The following PDXDC1 variants were observed in gnomAD, a reference collection of about 807,000 sequenced individuals.
The protein encoded by PDXDC1 is pyridoxal-dependent decarboxylase domain-containing protein 1.
In PDXDC1, 42 loss-of-function variants were observed where a neutral mutation model predicts 100.1. That is an observed-to-expected ratio of 0.42 (90% CI 0.33 to 0.54). PDXDC1 has a LOEUF of 0.54. Ranked by LOEUF, PDXDC1 falls within the 20% of genes least tolerant of loss-of-function variation. The probability of loss-of-function intolerance (pLI) is 0.10; values close to 1 mark genes in which losing one functional copy is unlikely to be tolerated. For synonymous variants in PDXDC1, 260 were observed against 371.7 expected (o/e 0.70, Z 3.46); for missense variants, 636 against 979.2 (o/e 0.65, Z 4.68).
At position 15,037,951 on chromosome 16, in the gene PDXDC1, GGATCCA is replaced by G. The variant is rs2043592774; in HGVS notation, c.*1681_*1686del. 2.0e-6 allele frequency: 2 copies of G among 992,310 alleles called. No homozygotes were observed. The highest frequency in any genetic ancestry group is 1.6e-5 in the African/African-American group (1 of 61,984). 61.5% of individuals were successfully genotyped at this position (992,310 alleles called of 1,614,324 possible). On this transcript the variant is annotated 3_prime_UTR_variant, in exon 23 of 23. Coordinates refer to ENST00000396410, the MANE Select transcript of PDXDC1 (RefSeq NM_015027.4). Reference sequence around the variant, plus strand: ...GGAGGCCTAAGACCCAACAGATGTAGGATCCAGATCTGGATTCGTGCCAGCCCCACC... The same window carrying G: ...GGAGGCCTAAGACCCAACAGATGTAGGATCTGGATTCGTGCCAGCCCCACC...
intron 16 of PDXDC1, among the ~76,000 whole-genome samples, chr16:15,053,957 A>C (rs2151734609): frequency 6.6e-6 from 1 of 152,258 alleles, no homozygotes; most frequent in South Asian, 2.1e-4. Context: ...CCCAACCTTT[A>C]ATGTCTCCCT....
chr16:15,081,845 T>C (rs1018938187), intron 16 of PDXDC1, among the ~76,000 whole-genome samples: 7 of 152,346 alleles, frequency 4.6e-5, no homozygotes, highest in Admixed American at 4.6e-4. Flanking sequence ...TAAATATGGA[T>C]ATCCATATGC....
intron 16 of PDXDC1, among the ~76,000 whole-genome samples, chr16:15,122,257 C>T (rs1346442637): frequency 1.3e-5 from 2 of 150,796 alleles, no homozygotes; most frequent in Admixed American, 1.3e-4. Context: ...TTGTTAGAGA[C>T]AAGAGTGCAG....
At chr16:15,141,772 C>T (rs974451678), downstream of PDXDC1, among the ~76,000 whole-genome samples, 7 of 152,196 alleles carry the variant, frequency 4.6e-5, no homozygotes, top group African/African-American at 1.7e-4. Context: ...GACAGGGTGG[C>T]GGCTGGGAGA....
At chr16:15,054,598 C>T (rs1271415922) in intron 16 of PDXDC1, among the ~76,000 whole-genome samples, 1 of 152,170 alleles carries the variant, frequency 6.6e-6, no homozygotes, top group African/African-American at 2.4e-5. Flanking sequence ...AGACGATGGT[C>T]GGTCCTGAAA....
chr16:15,038,770 G>C (rs2043667773), downstream of PDXDC1: 6 of 711,276 alleles, frequency 8.4e-6, no homozygotes, highest in East Asian at 1.5e-4. Flanking sequence ...CTCCAGTGTA[G>C]TCCTTTCATG....
chr16:14,980,766 A>C (rs1339290893), intron 1 of PDXDC1, among the ~76,000 whole-genome samples: 1 of 152,254 alleles, frequency 6.6e-6, no homozygotes, highest in African/African-American at 2.4e-5. Context: ...CGCCTGGCCA[A>C]TTTTTGTATT....
At chr16:15,028,572 C>T (rs377543159) in intron 14 of PDXDC1, among the ~76,000 whole-genome samples, 6 of 152,426 alleles carry the variant, frequency 3.9e-5, no homozygotes, top group African/African-American at 7.2e-5. Context: ...TCACAGACCT[C>T]GCACGGTGCT....
chr16:15,078,914 C>G, intron 16 of PDXDC1, among the ~76,000 whole-genome samples: 1 of 151,800 alleles, frequency 6.6e-6, no homozygotes, highest in Non-Finnish European at 1.5e-5. Flanking sequence ...CGGATTCACA[C>G]CATTCTCCTG....
At chr16:15,032,093 C>G (rs531069993) in intron 17 of PDXDC1, 187 bp downstream of exon 17, 1 of 595,878 alleles carries the variant, frequency 1.7e-6, no homozygotes, top group African/African-American at 1.8e-5. Flanking sequence ...GCCAGCGTGG[C>G]GCTCAGGGAG....
chr16:15,086,949 G>A (rs1266403141), intron 16 of PDXDC1, among the ~76,000 whole-genome samples: 1 of 152,142 alleles, frequency 6.6e-6, no homozygotes, highest in African/African-American at 2.4e-5. Context: ...AATATATTAT[G>A]ATGTGATTGT....
At chr16:15,150,583 C>T in the PDXDC1 span, 7 of 147,912 alleles carry the variant, frequency 4.7e-5, no homozygotes, top group East Asian at 1.0e-3. Context: ...GCAGGAGAAT[C>T]GCTTGAACCC....
At chr16:15,132,670 C>T (rs1054149528) in intron 16 of PDXDC1, 25 of 723,782 alleles carry the variant, frequency 3.5e-5, no homozygotes, top group African/African-American at 5.2e-5. Context: ...GGGCTGAACC[C>T]AGTACCCTGG....
intron 16 of PDXDC1, chr16:15,130,763 G>C: frequency 4.7e-6 from 6 of 1,279,104 alleles, no homozygotes; most frequent in Non-Finnish European, 6.8e-6. Flanking sequence ...CTGCCAGGTA[G>C]GGCTCGGGTT....
At chr16:15,055,582 C>T (rs891626655) in intron 16 of PDXDC1, among the ~76,000 whole-genome samples, 3 of 152,222 alleles carry the variant, frequency 2.0e-5, no homozygotes, top group African/African-American at 7.2e-5. Context: ...GCTGCAGCCG[C>T]CCCGTCGGGG....
At position 15,103,535 on chromosome 16, in the gene PDXDC1, G is replaced by A. The variant is rs796692343; in HGVS notation, c.1400-35344G>A. Among the ~76,000 whole-genome samples the A allele has an allele frequency of 1.6e-4, 25 of 151,580 alleles. No individual in the cohort carries two copies. The East Asian group carries it at 2.6e-3, about 16-fold the overall frequency. ...TATTTATTTTTTGAGTCAGAGTCTCGCTCTGTCACCCAGGCTAGAGTGTGC... is the reference window on the plus strand; with the variant it reads ...TATTTATTTTTTGAGTCAGAGTCTCACTCTGTCACCCAGGCTAGAGTGTGC... On this transcript the variant is annotated intron_variant, in intron 16 of 16. Transcript: ENST00000535621.
At chr16:15,028,807 G>C in intron 14 of PDXDC1, 71 bp from the exon 15 acceptor site, 1 of 1,420,454 alleles carries the variant, frequency 7.0e-7, no homozygotes, top group East Asian at 2.5e-5. Flanking sequence ...GAATGATGTG[G>C]GGTTTGGAGG....
chr16:14,987,299 T>C (rs1969597358), intron 1 of PDXDC1, among the ~76,000 whole-genome samples: 1 of 152,286 alleles, frequency 6.6e-6, no homozygotes, highest in African/African-American at 2.4e-5. Context: ...GTTGCTTCAT[T>C]TACTTACTTG....
chr16:15,033,321 GGC>G lies in PDXDC1; in HGVS notation c.1736_1737del (p.Ala579GlufsTer8). 6.2e-7 allele frequency: 1 copy of G among 1,614,186 alleles called. No homozygotes were observed. Among genetic ancestry groups the G allele is most frequent in the Non-Finnish European group, 8.5e-7 (1 of 1,180,012 alleles). ...TGAAGAGCTGCCTTTATGTCGGCATGGCGAGCGACAACGTCGATGCTGCTGAG... is the reference window on the plus strand; with the variant it reads ...TGAAGAGCTGCCTTTATGTCGGCATGGAGCGACAACGTCGATGCTGCTGAG... ...SMKSCLYVGM[A>X]SDNVDAAELV... On this transcript the variant is annotated frameshift_variant, in exon 19 of 23. Transcript: ENST00000396410. LOFTEE classifies it high-confidence loss of function.
Sources: allele counts gnomAD v4.1 joint callset (sites outside exome capture counted in the v4.1 genomes callset), GRCh38; gene constraint gnomAD v4.1.1; transcripts MANE v1.5; gene names NCBI Gene and HGNC (gene_info 2026-07-23, HGNC 2026-07-21).